The following AKAP7 variants were observed in gnomAD, a reference collection of about 807,000 sequenced individuals.
AKAP7 encodes A-kinase anchoring protein 7.
AKAP7 carries 39 observed loss-of-function variants against 39.5 expected under a neutral mutation model. That is an observed-to-expected ratio of 0.99 (90% confidence interval 0.76 to 1.29). The LOEUF is 1.29. Ranked by LOEUF, AKAP7 falls within the 50% of genes most tolerant of loss-of-function variation. AKAP7 has a pLI of 0.00. For synonymous variants in AKAP7, 140 were observed against 139.1 expected, an observed-to-expected ratio of 1.01 and a Z score of -0.05; for missense variants, 414 against 407.7, an observed-to-expected ratio of 1.02 and a Z score of -0.13.
At chr6:131,146,329 C>T (rs1197665928) in intron 2 of AKAP7, among the ~76,000 whole-genome samples, 1 of 152,132 alleles carries the variant, frequency 6.6e-6, no homozygotes. Context: ...GTGTTTTGGC[C>T]AGATGCGGTG....
At chr6:131,240,713 A>G (rs1490920402) in intron 7 of AKAP7, among the ~76,000 whole-genome samples, 1 of 152,216 alleles carries the variant, frequency 6.6e-6, no homozygotes, top group Non-Finnish European at 1.5e-5. Flanking sequence ...AGCCAGGCGC[A>G]GGATATAATC....
intron 6 of AKAP7, among the ~76,000 whole-genome samples, chr6:131,203,908 A>C (rs1807851083): frequency 6.6e-6 from 1 of 152,200 alleles, no homozygotes; most frequent in African/African-American, 2.4e-5. Flanking sequence ...AGTATTTCAA[A>C]GAACCAATTC....
chr6:131,155,596 C>T (rs1174674976), intron 2 of AKAP7, among the ~76,000 whole-genome samples: 1 of 152,096 alleles, frequency 6.6e-6, no homozygotes, highest in Non-Finnish European at 1.5e-5. Flanking sequence ...CCTTAGCTAG[C>T]TATTTAATTT....
At chr6:131,235,544 A>G (rs1430922467) in intron 7 of AKAP7, among the ~76,000 whole-genome samples, 3 of 152,074 alleles carry the variant, frequency 2.0e-5, no homozygotes, top group African/African-American at 4.8e-5. Context: ...AAGTGTTCCT[A>G]TTTCTCCACA....
rs921846418 is a variant in AKAP7 at position 131,281,347 on chromosome 6, C to T, written c.851-183C>T. Among the ~76,000 whole-genome samples the T allele has an allele frequency of 6.6e-6, 1 of 152,170 alleles. No individual in the cohort carries two copies. Among genetic ancestry groups the T allele is most frequent in the Non-Finnish European group, 1.5e-5 (1 of 68,036 alleles). ...AATGAACTACTTTTCAATCTGAAGC[C>T]TTCAGGAATAGACAGGCTCCTGCTT... On this transcript the variant is annotated intron_variant, in intron 7 of 7. Coordinates refer to ENST00000431975, the MANE Select transcript of AKAP7 (RefSeq NM_016377.4). This position sits in a 1 kb window ranked among gnomAD's most constrained non-coding sequence, Gnocchi z 4.0.
At chr6:131,199,866 C>T (rs1054970687) in intron 6 of AKAP7, 17 of 348,914 alleles carry the variant, frequency 4.9e-5, no homozygotes, top group Admixed American at 4.3e-4. Flanking sequence ...CGAGGTGGTG[C>T]CAGAGTTCAC....
intron 5 of AKAP7, among the ~76,000 whole-genome samples, chr6:131,191,749 C>T (rs1190798): frequency 0.99 from 150,618 of 152,236 alleles, 74,514 homozygotes; most frequent in East Asian, 1. Context: ...CACTGGGGTG[C>T]TGGTACTGGA....
intron 6 of AKAP7, among the ~76,000 whole-genome samples, chr6:131,206,861 C>CATGA (rs1808154885): frequency 6.6e-6 from 1 of 152,062 alleles, no homozygotes. Context: ...AGTTTGACTG[C>CATGA]CACTCACTTT....
chr6:131,198,481 GTTTTTTGTTTGT>G (rs929925210), intron 5 of AKAP7, among the ~76,000 whole-genome samples: 3 of 152,088 alleles, frequency 2.0e-5, no homozygotes, highest in Non-Finnish European at 2.9e-5. Flanking sequence ...CTTGGAAATA[GTTTTTTGTTTGT>G]TTTTTTGTTT....
intron 5 of AKAP7, among the ~76,000 whole-genome samples, chr6:131,182,312 C>T (rs1805340292): frequency 6.6e-6 from 1 of 152,114 alleles, no homozygotes; most frequent in Non-Finnish European, 1.5e-5. Flanking sequence ...CTCACTCCCT[C>T]CTTCCCCTGG....
At chr6:131,255,918 T>G (rs1812807212) in intron 7 of AKAP7, among the ~76,000 whole-genome samples, 1 of 152,212 alleles carries the variant, frequency 6.6e-6, no homozygotes, top group African/African-American at 2.4e-5. Flanking sequence ...TTAATTTATT[T>G]AATGTTTACT....
rs190198010 is a variant in AKAP7 at position 131,261,987 on chromosome 6, C to T, written c.851-19543C>T. On this transcript the variant is annotated intron_variant, in intron 7 of 7. Coordinates refer to ENST00000431975, the MANE Select transcript of AKAP7 (RefSeq NM_016377.4). ...CTTGTGGGAAGGACCCCCACATAGCCGAGACTCAGACCTTTGAGGAGAGGT... is the reference window on the plus strand; with the variant it reads ...CTTGTGGGAAGGACCCCCACATAGCTGAGACTCAGACCTTTGAGGAGAGGT... 7.9e-5 allele frequency among the ~76,000 whole-genome samples: 12 copies of T among 152,170 alleles called. No individual in the cohort carries two copies. The East Asian group carries it at 1.4e-3, about 17-fold the overall frequency.
At chr6:131,179,895 A>T (rs61231087) in intron 5 of AKAP7, among the ~76,000 whole-genome samples, 66,697 of 140,344 alleles carry the variant, frequency 0.48, 16,232 homozygotes, top group East Asian at 0.93. Context: ...AAATAAATAA[A>T]TAATAAATAA....
chr6:131,282,384 A>ATTTT lies in AKAP7; in HGVS notation c.*664_*667dup, dbSNP rs752361676. 1.4e-6 allele frequency: 2 copies of ATTTT among 1,440,918 alleles called. No homozygotes were observed. Among genetic ancestry groups the ATTTT allele is most frequent in the Non-Finnish European group, 1.8e-6 (2 of 1,098,052 alleles). 89.3% of individuals were successfully genotyped at this position (1,440,918 alleles called of 1,614,324 possible). ...ATATTTAATGAAATGTTATTATATA[A>ATTTT]TTTTTTTTTCTTAGGCAAGAAACCT... On this transcript the variant is annotated 3_prime_UTR_variant, in exon 8 of 8. Transcript: ENST00000431975.
chr6:131,135,059 AAAGT>A (rs1800423710), upstream of AKAP7, among the ~76,000 whole-genome samples: 1 of 152,224 alleles, frequency 6.6e-6, no homozygotes, highest in African/African-American at 2.4e-5. Flanking sequence ...GCAGTTTTTA[AAAGT>A]AAGGTAAATA....
intron 4 of AKAP7, among the ~76,000 whole-genome samples, chr6:131,167,907 A>C (rs910123318): frequency 6.6e-6 from 1 of 152,162 alleles, no homozygotes; most frequent in Non-Finnish European, 1.5e-5. Flanking sequence ...AATAATTTAA[A>C]CGAATAGCAA....
rs549636265 is a variant in AKAP7, at chr6:131,213,979, A to C, written c.703-5682A>C. Among the ~76,000 whole-genome samples, 3 of 151,872 alleles carry C rather than the reference A, an allele frequency of 2.0e-5. No homozygotes were observed. The South Asian group carries it at 6.3e-4, about 32-fold the overall frequency. ...GGCCTTAGTCAGTATAAATGAACCA[A>C]ATGTTTGTGAACCAGAGCCATGTTT... On this transcript the variant is annotated intron_variant, in intron 6 of 7. Transcript: ENST00000431975.
intron 7 of AKAP7, among the ~76,000 whole-genome samples, chr6:131,263,620 C>T (rs912404190): frequency 1.2e-4 from 19 of 152,138 alleles, no homozygotes; most frequent in African/African-American, 4.6e-4. Flanking sequence ...AAGGAAGGGT[C>T]ACTTCTTAAA....
chr6:131,206,857 A>T (rs1808154377), intron 6 of AKAP7, among the ~76,000 whole-genome samples: 1 of 151,920 alleles, frequency 6.6e-6, no homozygotes. Context: ...GTATAGTTTG[A>T]CTGCCACTCA....
Sources: allele counts gnomAD v4.1 joint callset (sites outside exome capture counted in the v4.1 genomes callset), GRCh38; gene constraint gnomAD v4.1.1; non-coding constraint Gnocchi (gnomAD v3.1); transcripts MANE v1.5; gene names NCBI Gene and HGNC (gene_info 2026-07-23, HGNC 2026-07-21).